ARHGAP21: variants seen among roughly 807,000 people sequenced by gnomAD.
ARHGAP21 encodes the protein Rho GTPase activating protein 21, also known as rho GTPase-activating protein 21.
A neutral mutation model predicts 164.6 loss-of-function variants in ARHGAP21; 38 were observed. That is an observed-to-expected ratio of 0.23 (90% confidence interval 0.18 to 0.30). The LOEUF (loss-of-function observed/expected upper bound fraction) is 0.30. ARHGAP21 is among the 10% of genes least tolerant of loss of function. The pLI, the probability that ARHGAP21 is intolerant of heterozygous loss-of-function variation, is 1.00. For missense variants in ARHGAP21, 1,822 were observed against 2,370.7 expected, an observed-to-expected ratio of 0.77 and a Z score of 4.81; for synonymous variants, 766 against 857.9, an observed-to-expected ratio of 0.89 and a Z score of 1.87.
intron 3 of ARHGAP21, 44 bp from the exon 4 acceptor site, chr10:24,667,053 TAA>T: frequency 1.8e-6 from 2 of 1,102,882 alleles, no homozygotes; most frequent in Non-Finnish European, 2.6e-6. Flanking sequence ...TACATATTTA[TAA>T]ACTCTTGTTA....
chr10:24,625,510 T>G (rs964153910), intron 7 of ARHGAP21, among the ~76,000 whole-genome samples: 2 of 141,320 alleles, frequency 1.4e-5, no homozygotes, highest in Non-Finnish European at 3.1e-5. Context: ...GACTTTCTTT[T>G]TATTATACCT....
chr10:24,645,673 T>C (rs923511018), intron 4 of ARHGAP21, among the ~76,000 whole-genome samples: 5 of 151,810 alleles, frequency 3.3e-5, no homozygotes, highest in Non-Finnish European at 5.9e-5. Flanking sequence ...GTACATGAAA[T>C]TGTTGTAGGA....
chr10:24,703,165 AT>A (rs1410011279), intron 2 of ARHGAP21, among the ~76,000 whole-genome samples: 3 of 152,214 alleles, frequency 2.0e-5, no homozygotes, highest in Non-Finnish European at 4.4e-5. Flanking sequence ...GTATCAATAT[AT>A]TAACAGGAGT....
chr10:24,697,972 T>G (rs1379608758), intron 2 of ARHGAP21, among the ~76,000 whole-genome samples: 1 of 152,208 alleles, frequency 6.6e-6, no homozygotes, highest in South Asian at 2.1e-4. Flanking sequence ...GGGGAAATTC[T>G]AAGGCATTTT....
In ARHGAP21 at chr10:24,723,383, G is replaced by GCGGGCGCGGCCCCTCCGCCCCCGC. The variant is rs1340504464; in HGVS notation, c.-381+155_-381+178dup. The GCGGGCGCGGCCCCTCCGCCCCCGC allele has an allele frequency of 8.2e-5, 12 of 145,590 alleles. No homozygotes were observed. In the East Asian group the frequency reaches 1.9e-3, roughly 22 times the overall value. 9.0% of individuals were successfully genotyped at this position (145,590 alleles called of 1,614,324 possible). On this transcript the variant is annotated intron_variant, in intron 1 of 25. Coordinates refer to ENST00000396432, the MANE Select transcript of ARHGAP21 (RefSeq NM_020824.4). ...CGCCGCCCGCCCTTGCTCCGCACAC[G>GCGGGCGCGGCCCCTCCGCCCCCGC]CGGGCGCGGCCCCTCCGCCCCCGCC...
chr10:24,602,441 G>A (rs1407559610), intron 12 of ARHGAP21, among the ~76,000 whole-genome samples: 2 of 152,276 alleles, frequency 1.3e-5, no homozygotes, highest in African/African-American at 4.8e-5. Flanking sequence ...GCTAGAACCT[G>A]GTGATGAGGT....
At chr10:24,671,359 T>A (rs79813279) in intron 2 of ARHGAP21, among the ~76,000 whole-genome samples, 5 of 152,292 alleles carry the variant, frequency 3.3e-5, no homozygotes, top group African/African-American at 1.2e-4. Flanking sequence ...CATTTCTCTC[T>A]GGTCATTCAT....
intron 2 of ARHGAP21, among the ~76,000 whole-genome samples, chr10:24,718,874 A>C (rs1408873117): frequency 6.6e-6 from 1 of 152,190 alleles, no homozygotes; most frequent in Non-Finnish European, 1.5e-5. Flanking sequence ...CTACAGATAA[A>C]AAATGAAATA....
chr10:24,606,708 G>A (rs986612895), intron 11 of ARHGAP21, among the ~76,000 whole-genome samples: 1 of 152,142 alleles, frequency 6.6e-6, no homozygotes, highest in Non-Finnish European at 1.5e-5. Flanking sequence ...AACTTAGGTG[G>A]CACATGTCTG....
intron 23 of ARHGAP21, 68 bp downstream of exon 23, chr10:24,591,574 G>T: frequency 6.4e-7 from 1 of 1,569,396 alleles, no homozygotes; most frequent in Non-Finnish European, 8.8e-7. Context: ...AGTTGACATT[G>T]TTGGCGCGCC....
chr10:24,722,961 G>A (rs1846080190), intron 1 of ARHGAP21, among the ~76,000 whole-genome samples: 1 of 151,910 alleles, frequency 6.6e-6, no homozygotes, highest in African/African-American at 2.4e-5. Flanking sequence ...ACTACCACTC[G>A]ACACGGCTTC....
intron 25 of ARHGAP21, among the ~76,000 whole-genome samples, chr10:24,587,930 G>A (rs900600174): frequency 6.6e-6 from 1 of 152,180 alleles, no homozygotes. Flanking sequence ...TGGATAAGAT[G>A]AAAAGGCTAC....
chr10:24,720,085 C>G (rs1845780405), intron 2 of ARHGAP21, among the ~76,000 whole-genome samples: 1 of 151,932 alleles, frequency 6.6e-6, no homozygotes, highest in Admixed American at 6.6e-5. Flanking sequence ...AACAAGATAG[C>G]CATGCTGCCA....
At position 24,612,285 on chromosome 10, in the gene ARHGAP21, T is replaced by A. The variant is rs1262710151; in HGVS notation, c.2423-4382A>T. 2.0e-5 allele frequency among the ~76,000 whole-genome samples: 3 copies of A among 152,294 alleles called. No individual in the cohort carries two copies. The East Asian group carries it at 5.8e-4, about 29-fold the overall frequency. On this transcript the variant is annotated intron_variant, in intron 9 of 25. Coordinates refer to ENST00000396432, the MANE Select transcript of ARHGAP21 (RefSeq NM_020824.4). ...ATTGAAGGAATATTAACACTATTAC[T>A]TATTTCAATGACAGAGTAAACTATA...
intron 2 of ARHGAP21, among the ~76,000 whole-genome samples, chr10:24,705,395 G>C (rs1283190569): frequency 6.6e-6 from 1 of 152,148 alleles, no homozygotes; most frequent in Non-Finnish European, 1.5e-5. Context: ...AACAAACAGA[G>C]ACTAAATGAC....
chr10:24,609,323 A>G (rs997781613), intron 9 of ARHGAP21, among the ~76,000 whole-genome samples: 5 of 152,220 alleles, frequency 3.3e-5, no homozygotes, highest in Admixed American at 6.5e-5. Context: ...TATTCATTCA[A>G]TCTCTTCCAA....
At chr10:24,687,940 T>C (rs1842369275) in intron 2 of ARHGAP21, among the ~76,000 whole-genome samples, 1 of 152,280 alleles carries the variant, frequency 6.6e-6, no homozygotes, top group South Asian at 2.1e-4. Context: ...TAAATGTATG[T>C]ATAAATAAGT....
chr10:24,644,010 G>A (rs1474146981), intron 4 of ARHGAP21, among the ~76,000 whole-genome samples: 2 of 151,912 alleles, frequency 1.3e-5, no homozygotes, highest in Non-Finnish European at 2.9e-5. Flanking sequence ...CACCACACCC[G>A]GCCATCATAA....
chr10:24,584,644 T>G lies in ARHGAP21; in HGVS notation c.5645A>C (p.Glu1882Ala). Residue 1882 changes from glutamate to alanine, a missense_variant, in exon 26 of 26, where the codon GAA becomes GCA. By Grantham distance (107) the Glu-to-Ala change is moderately radical. This residue lies in a region of ARHGAP21 where 165 missense variants were observed against 176.6 expected (regional missense o/e 0.93). Coordinates refer to ENST00000396432, the MANE Select transcript of ARHGAP21 (RefSeq NM_020824.4). The part of the protein sequence containing the change: ...DPQTENPSTR[E>A]IATTDTPLSL... ...CAAAGGTGTGTCGGTCGTGGCTATT[T>G]CTCGTGTGCTTGGGTTCTCTGTCTG... 1 of 1,613,980 alleles carries G rather than the reference T, an allele frequency of 6.2e-7. No individual in the cohort carries two copies. Among genetic ancestry groups the G allele is most frequent in the Admixed American group, 1.7e-5 (1 of 60,006 alleles).
Sources: allele counts gnomAD v4.1 joint callset (sites outside exome capture counted in the v4.1 genomes callset), GRCh38; gene constraint gnomAD v4.1.1; regional missense constraint gnomAD v4.1.1; transcripts MANE v1.5; gene names NCBI Gene and HGNC (gene_info 2026-07-23, HGNC 2026-07-21).